The following PAPSS1 variants were observed in gnomAD, a reference collection of about 807,000 sequenced individuals.
PAPSS1 encodes the protein bifunctional 3'-phosphoadenosine 5'-phosphosulfate synthase 1.
A neutral mutation model predicts 72.0 loss-of-function variants in PAPSS1; 50 were observed. The observed-to-expected ratio is 0.69, with a 90% CI of 0.55 to 0.88. PAPSS1 has a LOEUF of 0.88. PAPSS1 is among the 40% of genes least tolerant of loss of function. The pLI is 0.00. For missense variants in PAPSS1, 657 were observed against 782.2 expected (o/e 0.84, Z 1.91); for synonymous variants, 261 against 263.6 (o/e 0.99, Z 0.09).
intron 11 of PAPSS1, among the ~76,000 whole-genome samples, chr4:107,628,084 G>A (rs6828089): frequency 0.24 from 36,443 of 151,980 alleles, 4,984 homozygotes; most frequent in Middle Eastern, 0.33. Flanking sequence ...AATATCTTCC[G>A]TCTTGAATTA....
Position 107,720,191 on chromosome 4 carries a change from G to T in PAPSS1, c.-12C>A, listed in dbSNP as rs1393764118. 7 of 1,600,098 alleles carry T rather than the reference G, an allele frequency of 4.4e-6. No individual in the cohort carries two copies. Among genetic ancestry groups the T allele is most frequent in the Admixed American group, 1.7e-5 (1 of 58,984 alleles). ...CCGGGGATCTCCATGACCGCGGAGC[G>T]CGCTGAGCAGCCGGGGTTCTCTGCG... On this transcript the variant is annotated 5_prime_UTR_variant, in exon 1 of 12. Transcript: ENST00000265174.
intron 4 of PAPSS1, among the ~76,000 whole-genome samples, chr4:107,684,419 G>A (rs1299940976): frequency 6.6e-6 from 1 of 152,108 alleles, no homozygotes; most frequent in East Asian, 1.9e-4. Context: ...TTTTGAAATG[G>A]CCCTGCAAAG....
intron 11 of PAPSS1, among the ~76,000 whole-genome samples, chr4:107,630,079 T>C (rs1726191723): frequency 6.6e-6 from 1 of 152,220 alleles, no homozygotes; most frequent in African/African-American, 2.4e-5. Context: ...TTGACATGGT[T>C]AAATTCCCAG....
intron 3 of PAPSS1, among the ~76,000 whole-genome samples, chr4:107,691,589 C>T (rs1578425467): frequency 6.6e-6 from 1 of 152,162 alleles, no homozygotes; most frequent in Admixed American, 6.5e-5. Context: ...AAATAAGACA[C>T]GGTCCCAGCT....
chr4:107,688,837 C>T (rs1431336256), intron 3 of PAPSS1, among the ~76,000 whole-genome samples: 1 of 152,144 alleles, frequency 6.6e-6, no homozygotes, highest in Non-Finnish European at 1.5e-5. Context: ...CTGGATATAT[C>T]ACAGGTGCCA....
intron 9 of PAPSS1, among the ~76,000 whole-genome samples, chr4:107,645,632 C>T (rs1726673191): frequency 6.6e-6 from 1 of 152,168 alleles, no homozygotes; most frequent in South Asian, 2.1e-4. Flanking sequence ...TATAGTTTAG[C>T]AACAACAATA....
intron 1 of PAPSS1, among the ~76,000 whole-genome samples, chr4:107,717,633 G>A (rs1348494871): frequency 6.6e-6 from 1 of 152,166 alleles, no homozygotes; most frequent in African/African-American, 2.4e-5. Context: ...CCTCAGAAAT[G>A]TAACAAAAAC....
chr4:107,719,363 C>G (rs1027710084), intron 1 of PAPSS1, among the ~76,000 whole-genome samples: 3 of 152,124 alleles, frequency 2.0e-5, no homozygotes, highest in African/African-American at 4.8e-5. Context: ...AGATAAGGCT[C>G]TTTCTCATCA....
chr4:107,659,005 A>G (rs567553343), intron 6 of PAPSS1, among the ~76,000 whole-genome samples: 18 of 152,326 alleles, frequency 1.2e-4, no homozygotes, highest in Middle Eastern at 3.4e-3. Context: ...TGACATGTAA[A>G]TTCATAGTCA....
At chr4:107,682,490 C>G (rs761172785) in intron 4 of PAPSS1, among the ~76,000 whole-genome samples, 10 of 152,160 alleles carry the variant, frequency 6.6e-5, no homozygotes, top group Admixed American at 1.3e-4. Context: ...ACGTGTTGCA[C>G]TGACCATGAA....
At chr4:107,636,746 A>T (rs1445126335) in intron 10 of PAPSS1, among the ~76,000 whole-genome samples, 1 of 152,220 alleles carries the variant, frequency 6.6e-6, no homozygotes, top group Non-Finnish European at 1.5e-5. Flanking sequence ...AGGTTCCATA[A>T]TTATCTCATT....
Position 107,691,772 on chromosome 4 carries a change from A to G in PAPSS1, c.411+1999T>C, listed in dbSNP as rs976453875. ...AAGAATTACTTGAGTTAATTCACATAAAAGCACTCTAGCAGTTACCAGAAC... is the reference window on the plus strand; with the variant it reads ...AAGAATTACTTGAGTTAATTCACATGAAAGCACTCTAGCAGTTACCAGAAC... On this transcript the variant is annotated intron_variant, in intron 3 of 11. Transcript: ENST00000265174. Among the ~76,000 whole-genome samples the G allele has an allele frequency of 1.9e-4, 29 of 152,216 alleles. 1 individual carries two copies. Among genetic ancestry groups the G allele is most frequent in the Admixed American group, 1.9e-3 (29 of 15,276 alleles).
chr4:107,631,611 A>G lies in PAPSS1; in HGVS notation c.1736+20T>C. On this transcript the variant is annotated intron_variant, in intron 11 of 11. Coordinates refer to ENST00000265174, the MANE Select transcript of PAPSS1 (RefSeq NM_005443.5). ...ACCACGAAGTACTTCAAAGATTTGT[A>G]CAGAGAATGTAAGACTTACTGTTCA... 4 of 1,548,184 alleles carry G rather than the reference A, an allele frequency of 2.6e-6. No homozygotes were observed. Among genetic ancestry groups the G allele is most frequent in the Non-Finnish European group, 3.6e-6 (4 of 1,122,820 alleles).
chr4:107,633,656 A>T (rs1726280108), intron 10 of PAPSS1, among the ~76,000 whole-genome samples: 1 of 152,172 alleles, frequency 6.6e-6, no homozygotes, highest in Admixed American at 6.5e-5. Context: ...ACAGTGGCTC[A>T]TGCCTGTAAT....
chr4:107,687,195 TAAAA>T lies in PAPSS1; in HGVS notation c.412-22_412-19del. On this transcript the variant is annotated intron_variant, in intron 3 of 11. Transcript: ENST00000265174. ...TTGCGATCCTTAAAAAAAAATAAAA[TAAAA>T]AGTGATCACACAAATCACAAACGTA... The T allele has an allele frequency of 6.5e-7, 1 of 1,534,254 alleles. No homozygotes were observed.
At chr4:107,628,892 T>C (rs1252384482) in intron 11 of PAPSS1, among the ~76,000 whole-genome samples, 1 of 152,140 alleles carries the variant, frequency 6.6e-6, no homozygotes, top group Non-Finnish European at 1.5e-5. Context: ...AACCCACAAC[T>C]TCAGAGTTTA....
Position 107,693,913 on chromosome 4 carries a change from T to C in PAPSS1, c.269A>G (p.Asn90Ser). 1.2e-6 allele frequency: 2 copies of C among 1,613,834 alleles called. No individual in the cohort carries two copies. Among genetic ancestry groups the C allele is most frequent in the Non-Finnish European group, 8.5e-7 (1 of 1,179,818 alleles). ...ATTTTTATTGAGACCTTGACGAATA[T>C]TGTCACCATCCAGAGTGTAGCATGG... ...GIPCYTLDGD[N>S]IRQGLNKNLG... is the part of the protein sequence containing the mutation. The change falls in exon 3 of 12, where the codon AAT becomes AGT. Residue 90 changes from asparagine to serine, a missense_variant. Physicochemically the swap from Asn to Ser is conservative, Grantham distance 46 (BLOSUM62 1). Transcript: ENST00000265174.
chr4:107,669,535 A>C (rs1727417728), intron 5 of PAPSS1, among the ~76,000 whole-genome samples: 1 of 152,204 alleles, frequency 6.6e-6, no homozygotes, highest in Non-Finnish European at 1.5e-5. Context: ...TTATTGCTTA[A>C]TTCACTGCCA....
chr4:107,644,402 A>T (rs533228410), intron 10 of PAPSS1, among the ~76,000 whole-genome samples: 79 of 152,182 alleles, frequency 5.2e-4, no homozygotes, highest in Admixed American at 2.0e-4. Context: ...ATTTAAACAA[A>T]CAGGCTTTGC....
Sources: allele counts gnomAD v4.1 joint callset (sites outside exome capture counted in the v4.1 genomes callset), GRCh38; gene constraint gnomAD v4.1.1; transcripts MANE v1.5; gene names NCBI Gene and HGNC (gene_info 2026-07-23, HGNC 2026-07-21).